Variants in GNG2 observed in about 807,000 individuals in gnomAD.
GNG2 encodes the protein guanine nucleotide-binding protein G(I)/G(S)/G(O) subunit gamma-2.
Under a neutral mutation model 5.5 loss-of-function variants are expected in GNG2, and 5 were observed. The ratio of observed to expected loss-of-function variants is 0.91; its 90% confidence interval spans 0.48 to 1.92. The LOEUF is 1.92. GNG2 is among the 30% of genes most tolerant of loss of function. The pLI, the probability that GNG2 is intolerant of heterozygous loss-of-function variation, is 0.01. For missense variants in GNG2, 55 were observed against 88.4 expected, an observed-to-expected ratio of 0.62 and a Z score of 1.52; for synonymous variants, 28 against 32.0, an observed-to-expected ratio of 0.88 and a Z score of 0.42.
chr14:51,832,633 C>T (rs138296487), intron 2 of GNG2, among the ~76,000 whole-genome samples: 2 of 152,306 alleles, frequency 1.3e-5, no homozygotes, highest in Non-Finnish European at 2.9e-5. Flanking sequence ...GATCAGTTTC[C>T]ATTGAGGGTT....
intron 3 of GNG2, among the ~76,000 whole-genome samples, chr14:51,965,330 T>G (rs1889831460): frequency 6.6e-6 from 1 of 152,240 alleles, no homozygotes; most frequent in South Asian, 2.1e-4. Flanking sequence ...GGTGTTGCTT[T>G]CATGTGGAAA....
At chr14:51,949,875 G>C (rs371074224) in intron 2 of GNG2, among the ~76,000 whole-genome samples, 6 of 151,412 alleles carry the variant, frequency 4.0e-5, no homozygotes, top group African/African-American at 1.2e-4. Context: ...GGATTTGAAG[G>C]GGGAGGGGAG....
At chr14:51,868,921 A>G (rs1471799990) in intron 1 of GNG2, among the ~76,000 whole-genome samples, 1 of 152,188 alleles carries the variant, frequency 6.6e-6, no homozygotes, top group Non-Finnish European at 1.5e-5. Context: ...TCAGCACTAC[A>G]CTACTTGTCT....
intron 2 of GNG2, among the ~76,000 whole-genome samples, chr14:51,844,776 A>G (rs530022224): frequency 6.6e-6 from 1 of 152,098 alleles, no homozygotes; most frequent in South Asian, 2.1e-4. Context: ...CCCAGGCTGT[A>G]GTGCAATGGC....
chr14:51,923,567 T>TACACACAC (rs142081387), intron 2 of GNG2, among the ~76,000 whole-genome samples: 4 of 150,114 alleles, frequency 2.7e-5, no homozygotes, highest in African/African-American at 9.8e-5. Context: ...AAACACACAA[T>TACACACAC]ACACACACAC....
intron 2 of GNG2, among the ~76,000 whole-genome samples, chr14:51,887,225 A>C (rs1566665342): frequency 1.3e-5 from 2 of 151,806 alleles, no homozygotes; most frequent in Non-Finnish European, 2.9e-5. Flanking sequence ...AGTTTGCTAC[A>C]AAAACTAGCT....
intron 2 of GNG2, among the ~76,000 whole-genome samples, chr14:51,922,837 C>T (rs1253892950): frequency 6.6e-6 from 1 of 152,110 alleles, no homozygotes; most frequent in Non-Finnish European, 1.5e-5. Flanking sequence ...TGGAAAGTCT[C>T]AATAGAGTCC....
At chr14:51,923,593 T>C (rs1376871719) in intron 2 of GNG2, among the ~76,000 whole-genome samples, 1 of 151,960 alleles carries the variant, frequency 6.6e-6, no homozygotes, top group Non-Finnish European at 1.5e-5. Context: ...CACAGACATA[T>C]GTTCTTCATT....
intron 1 of GNG2, among the ~76,000 whole-genome samples, chr14:51,868,682 A>G (rs1172046764): frequency 6.6e-6 from 1 of 152,202 alleles, no homozygotes; most frequent in Non-Finnish European, 1.5e-5. Context: ...GAATGAGGTG[A>G]GATTTCAGAG....
Position 51,828,909 on chromosome 14 carries a change from C to T in GNG2, c.64+1102C>T, listed in dbSNP as rs78526486. Among the ~76,000 whole-genome samples the T allele has an allele frequency of 2.6e-3, 400 of 152,236 alleles. 14 individuals carry two copies. In the East Asian group the frequency reaches 0.063, roughly 24 times the overall value. ...GCTGCCTGGCAGTTTGATGTGCAGA[C>T]GTGACAGGCCCTCTGTCTCAAGATA... On this transcript the variant is annotated intron_variant, in intron 2 of 3. Coordinates refer to the GNG2 transcript ENST00000553432.
At chr14:51,919,140 GATTTTACTCTAAATTTTATA>G (rs72213377) in intron 2 of GNG2, among the ~76,000 whole-genome samples, 20,622 of 151,750 alleles carry the variant, frequency 0.14, 2,485 homozygotes, top group East Asian at 0.35. Context: ...AACTTTTAAT[GATTTTACTCTAAATTTTATA>G]ATTTTACTCT....
At chr14:51,924,581 T>C (rs1351069400) in intron 2 of GNG2, among the ~76,000 whole-genome samples, 1 of 152,200 alleles carries the variant, frequency 6.6e-6, no homozygotes, top group Admixed American at 6.5e-5. Context: ...TGCTCTGAGA[T>C]TCAGCAGAGG....
chr14:51,962,855 C>A (rs1253657), intron 3 of GNG2, among the ~76,000 whole-genome samples: 140,914 of 152,282 alleles, frequency 0.93, 65,692 homozygotes, highest in Non-Finnish European at 0.98. Context: ...TTATAAGGCA[C>A]AGGACAAGGA....
intron 3 of GNG2, 97 bp from the exon 4 acceptor site, chr14:51,966,462 A>G (rs1889926626): frequency 1.9e-6 from 2 of 1,056,344 alleles, no homozygotes; most frequent in Non-Finnish European, 1.4e-6. Context: ...TGCTTCATGG[A>G]GCAAGGATTT....
chr14:51,882,100 A>G (rs574655938), intron 2 of GNG2, among the ~76,000 whole-genome samples: 74 of 152,356 alleles, frequency 4.9e-4, no homozygotes, highest in African/African-American at 1.8e-3. Flanking sequence ...GAGAAATTAG[A>G]GAGTAAATGT....
At chr14:51,828,924 G>A (rs1416030054) in intron 2 of GNG2, among the ~76,000 whole-genome samples, 1 of 152,112 alleles carries the variant, frequency 6.6e-6, no homozygotes, top group Non-Finnish European at 1.5e-5. Flanking sequence ...CAGGCCCTCT[G>A]TCTCAAGATA....
At chr14:51,908,169 T>C (rs1355327483) in intron 2 of GNG2, among the ~76,000 whole-genome samples, 1 of 152,240 alleles carries the variant, frequency 6.6e-6, no homozygotes, top group Non-Finnish European at 1.5e-5. Context: ...AGCTCATTCA[T>C]ATGGCTGTAG....
At chr14:51,923,560 C>T (rs916152441) in intron 2 of GNG2, among the ~76,000 whole-genome samples, 1 of 59,860 alleles carries the variant, frequency 1.7e-5, no homozygotes, top group African/African-American at 4.4e-5. Context: ...TATATACAAA[C>T]ACACAATACA....
intron 2 of GNG2, among the ~76,000 whole-genome samples, chr14:51,908,703 A>G (rs1450481014): frequency 6.9e-6 from 1 of 145,712 alleles, no homozygotes. Context: ...CTTAGTGGCT[A>G]GGATTACAGG....
Sources: allele counts gnomAD v4.1 joint callset (sites outside exome capture counted in the v4.1 genomes callset), GRCh38; gene constraint gnomAD v4.1.1; transcripts MANE v1.5; gene names NCBI Gene and HGNC (gene_info 2026-07-23, HGNC 2026-07-21).